The following LDB2 variants were observed in gnomAD, a reference collection of about 807,000 sequenced individuals.
LDB2 encodes the protein LIM domain binding 2, also known as LIM domain-binding protein 2.
In LDB2, 12 loss-of-function variants were observed where a neutral mutation model predicts 44.3. The ratio of observed to expected loss-of-function variants is 0.27; its 90% CI spans 0.17 to 0.44. The LOEUF (loss-of-function observed/expected upper bound fraction) is 0.44. LDB2 is among the 20% of genes least tolerant of loss of function. The pLI, the probability that LDB2 is intolerant of heterozygous loss-of-function variation, is 1.00. For missense variants in LDB2, 344 were observed against 473.5 expected (o/e 0.73, Z 2.54); for synonymous variants, 164 against 174.8 (o/e 0.94, Z 0.49).
chr4:16,598,339 G>A lies in LDB2; in HGVS notation c.236-2464C>T, dbSNP rs542517247. On this transcript the variant is annotated intron_variant, in intron 2 of 7. Transcript: ENST00000304523. ...GCCATACCATGAGAAGCCCAACCTA[G>A]CCATGTGGAGAGGTCATGTGAAGGA... 2.6e-5 allele frequency among the ~76,000 whole-genome samples: 4 copies of A among 152,216 alleles called. No individual in the cohort carries two copies. The South Asian group carries it at 8.3e-4, about 32-fold the overall frequency.
At chr4:16,816,901 G>A (rs1410057813) in intron 1 of LDB2, among the ~76,000 whole-genome samples, 1 of 151,972 alleles carries the variant, frequency 6.6e-6, no homozygotes, top group Non-Finnish European at 1.5e-5. Flanking sequence ...CCTTTGTGGT[G>A]CATACCACCT....
intron 1 of LDB2, among the ~76,000 whole-genome samples, chr4:16,789,167 T>C (rs1775159156): frequency 6.6e-6 from 1 of 152,110 alleles, no homozygotes; most frequent in African/African-American, 2.4e-5. Flanking sequence ...GGAAGGATGA[T>C]GCATATGGCA....
chr4:16,555,125 G>A (rs1292397105), intron 5 of LDB2, among the ~76,000 whole-genome samples: 6 of 146,050 alleles, frequency 4.1e-5, no homozygotes, highest in Admixed American at 6.8e-5. Context: ...GTTAATATGG[G>A]CAAGGCAACT....
chr4:16,542,195 C>T (rs995657659), intron 5 of LDB2, among the ~76,000 whole-genome samples: 9 of 151,296 alleles, frequency 5.9e-5, no homozygotes, highest in African/African-American at 2.2e-4. Flanking sequence ...TGACTGAACA[C>T]CTACCAGGTT....
At chr4:16,539,675 G>A (rs1250773951) in intron 5 of LDB2, among the ~76,000 whole-genome samples, 1 of 152,098 alleles carries the variant, frequency 6.6e-6, no homozygotes, top group Non-Finnish European at 1.5e-5. Context: ...TCCCCCAAAA[G>A]AGGTCAAACA....
At chr4:16,770,384 A>G (rs1227772597) in intron 1 of LDB2, among the ~76,000 whole-genome samples, 2 of 152,250 alleles carry the variant, frequency 1.3e-5, no homozygotes, top group African/African-American at 4.8e-5. Context: ...TAATTTTATG[A>G]TAATTGAACA....
At chr4:16,819,634 TATA>T (rs1480680775) in intron 1 of LDB2, among the ~76,000 whole-genome samples, 1 of 152,072 alleles carries the variant, frequency 6.6e-6, no homozygotes, top group African/African-American at 2.4e-5. Flanking sequence ...TTTTATTAAA[TATA>T]ATGATGTCTA....
intron 5 of LDB2, among the ~76,000 whole-genome samples, chr4:16,581,154 G>T (rs1389471448): frequency 6.6e-6 from 1 of 152,196 alleles, no homozygotes; most frequent in Non-Finnish European, 1.5e-5. Flanking sequence ...ATTCTGATGT[G>T]CTCTACCCAG....
At chr4:16,548,076 G>A (rs777191242) in intron 5 of LDB2, among the ~76,000 whole-genome samples, 17 of 151,468 alleles carry the variant, frequency 1.1e-4, no homozygotes, top group Middle Eastern at 6.8e-3. Flanking sequence ...CTCCTGCCTC[G>A]GCCTCCCAAA....
Position 16,682,114 on chromosome 4 carries a change from G to A in LDB2, c.235+77044C>T, listed in dbSNP as rs181650663. Among the ~76,000 whole-genome samples, 201 of 152,258 alleles carry A rather than the reference G, an allele frequency of 1.3e-3. 2 individuals carry two copies. The highest frequency in any genetic ancestry group is 4.6e-3 in the Admixed American group (70 of 15,304). ...CGTGTTTATTTTATATAGACAGAGAGAAGATAATTGTTTAAGATAGTTGAT... is the reference window on the plus strand; with the variant it reads ...CGTGTTTATTTTATATAGACAGAGAAAAGATAATTGTTTAAGATAGTTGAT... On this transcript the variant is annotated intron_variant, in intron 2 of 7. Transcript: ENST00000304523.
intron 5 of LDB2, among the ~76,000 whole-genome samples, chr4:16,540,366 A>C (rs903174960): frequency 6.6e-6 from 1 of 152,170 alleles, no homozygotes; most frequent in Non-Finnish European, 1.5e-5. Flanking sequence ...AGGGTGGCCA[A>C]CCTAAGCCTG....
intron 2 of LDB2, among the ~76,000 whole-genome samples, chr4:16,696,275 C>A (rs1375892188): frequency 6.6e-6 from 1 of 152,164 alleles, no homozygotes; most frequent in Non-Finnish European, 1.5e-5. Context: ...GCCCTTCCAG[C>A]TGGATCAGGT....
Position 16,502,022 on chromosome 4 carries a change from C to T in LDB2, c.*621G>A, listed in dbSNP as rs780239253. 1.3e-5 allele frequency: 2 copies of T among 152,302 alleles called. No homozygotes were observed. The highest frequency in any genetic ancestry group is 6.6e-5 in the Admixed American group (1 of 15,250). The allele number at this position is 152,302 out of a possible 1,614,324, so 9.4% of individuals were successfully genotyped here. On this transcript the variant is annotated 3_prime_UTR_variant, in exon 8 of 8. Transcript: ENST00000304523. ...TTTCAGCACTTGGGCTAAATTGAGT[C>T]GACTCAAGACAAGAACCAATTGACA...
chr4:16,870,868 A>G (rs1716362485), intron 1 of LDB2, among the ~76,000 whole-genome samples: 1 of 152,110 alleles, frequency 6.6e-6, no homozygotes, highest in South Asian at 2.1e-4. Flanking sequence ...TCCTGACCTC[A>G]GGTGATCCGC....
intron 2 of LDB2, among the ~76,000 whole-genome samples, chr4:16,732,632 T>C (rs1760993440): frequency 6.6e-6 from 1 of 152,190 alleles, no homozygotes; most frequent in Admixed American, 6.5e-5. Context: ...TAGTTCTATA[T>C]AGAACTCAAA....
intron 5 of LDB2, among the ~76,000 whole-genome samples, chr4:16,573,528 C>T (rs1056926155): frequency 2.6e-5 from 4 of 152,190 alleles, no homozygotes; most frequent in Non-Finnish European, 4.4e-5. Context: ...TTCTTATTCT[C>T]ATTTTCTGAA....
At chr4:16,857,434 T>G (rs1320880786) in intron 1 of LDB2, among the ~76,000 whole-genome samples, 1 of 152,192 alleles carries the variant, frequency 6.6e-6, no homozygotes, top group African/African-American at 2.4e-5. Context: ...CTTCATAGCA[T>G]CCAGGGTGAG....
chr4:16,794,961 A>G (rs910739506), intron 1 of LDB2, among the ~76,000 whole-genome samples: 2 of 152,218 alleles, frequency 1.3e-5, no homozygotes, highest in African/African-American at 4.8e-5. Context: ...GTGGAAATTA[A>G]ACAGTGAGCG....
intron 2 of LDB2, among the ~76,000 whole-genome samples, chr4:16,729,461 A>AG (rs1161750745): frequency 6.6e-6 from 1 of 152,216 alleles, no homozygotes; most frequent in Non-Finnish European, 1.5e-5. Context: ...AAGAAAAAAA[A>AG]GTACAAAACA....
Sources: gnomAD v4.1 joint callset for allele counts (sites outside exome capture counted in the v4.1 genomes callset) on GRCh38, gnomAD v4.1.1 for gene constraint, MANE v1.5 for transcripts, NCBI Gene and HGNC (gene_info 2026-07-23, HGNC 2026-07-21) for gene names.